Variants in NCMAP observed in about 807,000 individuals in gnomAD.
The protein encoded by NCMAP is noncompact myelin-associated protein.
Under a neutral mutation model 7.8 loss-of-function variants are expected in NCMAP, and 8 were observed. That is an observed-to-expected ratio of 1.02 (90% CI 0.60 to 1.84). The LOEUF is 1.84. Among genes scored for constraint, NCMAP ranks in the 40% most tolerant of loss-of-function variants. The probability of loss-of-function intolerance (pLI) is 0.00; values close to 1 mark genes in which losing one functional copy is unlikely to be tolerated. For synonymous variants in NCMAP, 41 were observed against 52.9 expected (o/e 0.78, Z 0.98); for missense variants, 112 against 131.4 (o/e 0.85, Z 0.72).
At chr1:24,556,489 C>T (rs183378870) in intron 1 of NCMAP, among the ~76,000 whole-genome samples, 46 of 152,304 alleles carry the variant, frequency 3.0e-4, no homozygotes, top group Admixed American at 2.6e-3. Flanking sequence ...AAAAGGGAGT[C>T]GACCTTGACC....
rs1458746510 is a variant in NCMAP, at chr1:24,600,948, G to A, written c.91G>A (p.Ala31Thr). 6.2e-7 allele frequency: 1 copy of A among 1,614,068 alleles called. No homozygotes were observed. Among genetic ancestry groups the A allele is most frequent in the Non-Finnish European group, 8.5e-7 (1 of 1,179,994 alleles). ...GEDFLYKSSGAIVAAVVVVVI... is the reference protein window; with the variant it reads ...GEDFLYKSSGTIVAAVVVVVI... ...TTCTCTCCTTTCTGTAGGTTCTGGAGCCATTGTTGCTGCCGTTGTGGTGGT... is the reference window on the plus strand; with the variant it reads ...TTCTCTCCTTTCTGTAGGTTCTGGAACCATTGTTGCTGCCGTTGTGGTGGT... Residue 31 changes from alanine to threonine, a missense_variant, in exon 3 of 4, where the codon GCC becomes ACC. By Grantham distance (58) the Ala-to-Thr change is moderately conservative. Transcript: ENST00000374392.
At chr1:24,563,637 C>T (rs939074346) in intron 1 of NCMAP, 1 of 151,930 alleles carries the variant, frequency 6.6e-6, no homozygotes. Flanking sequence ...TTTAACGCAG[C>T]TTCCCATATT....
intron 1 of NCMAP, among the ~76,000 whole-genome samples, chr1:24,577,404 T>TTTTTTTTTTTTTTTTTTTTTTTTTTTTG (rs1651608476): frequency 2.1e-5 from 2 of 93,064 alleles, no homozygotes; most frequent in Non-Finnish European, 4.8e-5. Context: ...TGGCCTTGTT[T>TTTTTTTTTTTTTTTTTTTTTTTTTTTTG]TTTTTTTTTT....
chr1:24,587,859 C>T (rs181383682), intron 1 of NCMAP, among the ~76,000 whole-genome samples: 1 of 152,096 alleles, frequency 6.6e-6, no homozygotes, highest in Non-Finnish European at 1.5e-5. Flanking sequence ...GAAGAGGTAG[C>T]AGATTTACCT....
intron 1 of NCMAP, among the ~76,000 whole-genome samples, chr1:24,560,110 G>A (rs1480202782): frequency 5.6e-5 from 8 of 143,418 alleles, no homozygotes; most frequent in East Asian, 4.2e-4. Flanking sequence ...GGAGTGAGCC[G>A]AGATGGCACC....
intron 1 of NCMAP, among the ~76,000 whole-genome samples, chr1:24,582,835 T>A (rs1332274896): frequency 2.6e-5 from 4 of 152,246 alleles, no homozygotes; most frequent in Non-Finnish European, 5.9e-5. Context: ...TTGCCATGTA[T>A]CAGCACAGAT....
intron 1 of NCMAP, among the ~76,000 whole-genome samples, chr1:24,557,202 T>G (rs1052810921): frequency 3.9e-5 from 6 of 152,122 alleles, no homozygotes; most frequent in Non-Finnish European, 7.3e-5. Context: ...TCAATACATA[T>G]TTGTCCAATG....
chr1:24,602,223 T>C (rs866897260), intron 3 of NCMAP, among the ~76,000 whole-genome samples: 1 of 152,144 alleles, frequency 6.6e-6, no homozygotes, highest in Non-Finnish European at 1.5e-5. Context: ...AACTGGTGTG[T>C]CTACATGATG....
At chr1:24,589,190 C>T (rs1651973792) in intron 1 of NCMAP, among the ~76,000 whole-genome samples, 1 of 151,940 alleles carries the variant, frequency 6.6e-6, no homozygotes, top group African/African-American at 2.4e-5. Context: ...ACACATAGCG[C>T]ATTATTATTA....
Position 24,573,220 on chromosome 1 carries a change from C to T in NCMAP, c.-8+17051C>T, listed in dbSNP as rs932645243. Among the ~76,000 whole-genome samples, 5 of 150,734 alleles carry T rather than the reference C, an allele frequency of 3.3e-5. 1 individual carries two copies. Among genetic ancestry groups the T allele is most frequent in the African/African-American group, 1.0e-4 (4 of 40,052 alleles). ...CATATCACGTTGAAACCAGGTGGTTCGGCTCAAACACAGACCCCTGAGCTT... is the reference window on the plus strand; with the variant it reads ...CATATCACGTTGAAACCAGGTGGTTTGGCTCAAACACAGACCCCTGAGCTT... On this transcript the variant is annotated intron_variant, in intron 1 of 3. Coordinates refer to ENST00000374392, the MANE Select transcript of NCMAP (RefSeq NM_001010980.5).
Position 24,595,520 on chromosome 1 carries a change from C to A in NCMAP, c.82+8C>A. 4 of 1,605,018 alleles carry A rather than the reference C, an allele frequency of 2.5e-6. No homozygotes were observed. The South Asian group carries it at 3.3e-5, about 13-fold the overall frequency. Reference sequence around the variant, plus strand: ...AAGACTTCCTGTATAAGAGTAAGGTCAAATTCGCTTAGAGGCTGGGGGAAG... The same window carrying A: ...AAGACTTCCTGTATAAGAGTAAGGTAAAATTCGCTTAGAGGCTGGGGGAAG... On this transcript the variant is annotated splice_region_variant and intron_variant, in intron 2 of 3. Transcript: ENST00000374392.
chr1:24,575,361 A>G (rs1651523727), intron 1 of NCMAP, among the ~76,000 whole-genome samples: 1 of 152,166 alleles, frequency 6.6e-6, no homozygotes, highest in South Asian at 2.1e-4. Context: ...AGAGCCCCAC[A>G]GAAGTCATAA....
rs550761403 is a variant in NCMAP, at chr1:24,574,849, G to A, written c.-8+18680G>A. ...CTCACACTGTCGCCCAGTCTGGAGT[G>A]CAATGGCATGATCTCGGCTCACTGC... is the stretch of plus-strand genomic sequence containing the variant. On this transcript the variant is annotated intron_variant, in intron 1 of 3. Coordinates refer to ENST00000374392, the MANE Select transcript of NCMAP (RefSeq NM_001010980.5). 4.0e-5 allele frequency among the ~76,000 whole-genome samples: 6 copies of A among 148,180 alleles called. No homozygotes were observed. In the South Asian group the frequency reaches 1.3e-3, roughly 32 times the overall value.
intron 1 of NCMAP, among the ~76,000 whole-genome samples, chr1:24,591,247 T>TG (rs1652038515): frequency 6.6e-6 from 1 of 152,122 alleles, no homozygotes; most frequent in African/African-American, 2.4e-5. Context: ...GAGTCTTCCT[T>TG]GGGGGGCGAC....
rs1276299621 is a variant in NCMAP, at chr1:24,602,367, GGTCA to G, written c.167+1345_167+1348del. 3.1e-4 allele frequency among the ~76,000 whole-genome samples: 46 copies of G among 149,100 alleles called. 3 individuals are homozygous for G. Among genetic ancestry groups the G allele is most frequent in the African/African-American group, 1.2e-3 (45 of 38,836 alleles). Reference sequence around the variant, plus strand: ...AGAGGCCGAGGCGGGCGGATCACGAGGTCAGGAGATCGAGACCACGGTGAAACCC... The same window carrying G: ...AGAGGCCGAGGCGGGCGGATCACGAGGGAGATCGAGACCACGGTGAAACCC... On this transcript the variant is annotated intron_variant, in intron 3 of 3. Transcript: ENST00000374392.
rs931814768 is a variant in NCMAP, at chr1:24,606,076, G to A, written c.*329G>A. ...AGACAGATAGACAGATAGCCCAGGA[G>A]CCAGGTGTCAGGGAGCACTGCTGAG... is the stretch of plus-strand genomic sequence containing the variant. On this transcript the variant is annotated 3_prime_UTR_variant, in exon 4 of 4. Transcript: ENST00000374392. 5.1e-5 allele frequency: 14 copies of A among 272,274 alleles called. No homozygotes were observed. The highest frequency in any genetic ancestry group is 1.5e-4 in the Admixed American group (3 of 20,632). 16.9% of individuals were successfully genotyped at this position (272,274 alleles called of 1,614,324 possible).
intron 1 of NCMAP, among the ~76,000 whole-genome samples, chr1:24,581,122 CT>C (rs5773095): frequency 1.9e-3 from 265 of 141,770 alleles, no homozygotes; most frequent in Admixed American, 4.4e-3. Context: ...GTCCTTTCTG[CT>C]TTTTTTTTTT....
At chr1:24,557,405 G>A (rs1650928485) in intron 1 of NCMAP, among the ~76,000 whole-genome samples, 1 of 148,572 alleles carries the variant, frequency 6.7e-6, no homozygotes, top group African/African-American at 2.4e-5. Context: ...ATGTGTGTGT[G>A]TGTGCGCTTG....
chr1:24,593,253 G>A (rs1652104249), intron 1 of NCMAP, among the ~76,000 whole-genome samples: 1 of 152,026 alleles, frequency 6.6e-6, no homozygotes, highest in Admixed American at 6.5e-5. Context: ...GGAGACCAAG[G>A]TGGGAGGATC....
Sources: gnomAD v4.1 joint callset for allele counts (sites outside exome capture counted in the v4.1 genomes callset) on GRCh38, gnomAD v4.1.1 for gene constraint, MANE v1.5 for transcripts, NCBI Gene and HGNC (gene_info 2026-07-23, HGNC 2026-07-21) for gene names.